ADD2: variants seen among roughly 807,000 people sequenced by gnomAD.
ADD2 encodes the protein adducin 2.
Under a neutral mutation model 83.0 loss-of-function variants are expected in ADD2, and 23 were observed. The observed-to-expected ratio is 0.28, with a 90% CI of 0.20 to 0.39. ADD2 has a LOEUF of 0.39. Among genes scored for constraint, ADD2 ranks in the 10% least tolerant of loss-of-function variants. The pLI, the probability that ADD2 is intolerant of heterozygous loss-of-function variation, is 1.00. For missense variants in ADD2, 758 were observed against 944.9 expected (o/e 0.80, Z 2.59); for synonymous variants, 375 against 375.4 (o/e 1.00, Z 0.01).
At chr2:70,712,465 A>T (rs797042832) in intron 2 of ADD2, among the ~76,000 whole-genome samples, 7,309 of 150,156 alleles carry the variant, frequency 0.049, 266 homozygotes, top group African/African-American at 0.094. Flanking sequence ...ATAAATAAAA[A>T]AAAAAAAAAA....
intron 1 of ADD2, among the ~76,000 whole-genome samples, chr2:70,734,116 C>G (rs1228830151): frequency 6.6e-6 from 1 of 152,176 alleles, no homozygotes; most frequent in Non-Finnish European, 1.5e-5. Flanking sequence ...TAGCACATCA[C>G]TGGAGTTGGG....
chr2:70,714,551 G>A (rs782542920), intron 1 of ADD2, among the ~76,000 whole-genome samples: 29 of 152,336 alleles, frequency 1.9e-4, no homozygotes, highest in South Asian at 1.0e-3. Context: ...CCTGATGCTC[G>A]CCCATCTACT....
At chr2:70,711,148 C>CA (rs1197819842) in intron 2 of ADD2, 1 of 152,208 alleles carries the variant, frequency 6.6e-6, no homozygotes, top group African/African-American at 2.4e-5. Context: ...TGCTGAAGAT[C>CA]AGAGGAGACC....
intron 11 of ADD2, 82 bp from the exon 12 acceptor site, chr2:70,677,959 GC>G: frequency 6.3e-7 from 1 of 1,582,240 alleles, no homozygotes. Context: ...CGAGATCTGG[GC>G]CCAACATCCT....
Position 70,767,928 on chromosome 2 carries a change from G to A in ADD2, c.-196C>T, listed in dbSNP as rs781989093. 21 of 1,535,862 alleles carry A rather than the reference G, an allele frequency of 1.4e-5. No homozygotes were observed. The highest frequency in any genetic ancestry group is 2.0e-5 in the Admixed American group (1 of 50,980). ...AGCTATCTCCGGTCGGCCACTGCGGGTTGGTTTTGTTATTTTATGGGTTTG... is the reference window on the plus strand; with the variant it reads ...AGCTATCTCCGGTCGGCCACTGCGGATTGGTTTTGTTATTTTATGGGTTTG... On this transcript the variant is annotated 5_prime_UTR_variant, in exon 1 of 16. Coordinates refer to ENST00000264436, the MANE Select transcript of ADD2 (RefSeq NM_001617.4).
chr2:70,670,927 C>G (rs1251362017), intron 15 of ADD2, among the ~76,000 whole-genome samples: 1 of 152,186 alleles, frequency 6.6e-6, no homozygotes, highest in Non-Finnish European at 1.5e-5. Flanking sequence ...ACAACTCAAC[C>G]GTGGGCCCCT....
At chr2:70,695,199 T>C (rs1417532586) in intron 6 of ADD2, among the ~76,000 whole-genome samples, 2 of 152,134 alleles carry the variant, frequency 1.3e-5, no homozygotes, top group Non-Finnish European at 1.5e-5. Context: ...CTGAGAAGGA[T>C]TGGGCCTTTT....
chr2:70,719,693 G>A (rs1044250032), intron 1 of ADD2, among the ~76,000 whole-genome samples: 6 of 152,212 alleles, frequency 3.9e-5, no homozygotes, highest in Admixed American at 2.6e-4. Flanking sequence ...TAATTGAGCT[G>A]ACTGTCCTGA....
intron 14 of ADD2, 35 bp from the exon 15 acceptor site, chr2:70,673,041 C>A: frequency 6.3e-7 from 1 of 1,598,458 alleles, no homozygotes; most frequent in East Asian, 2.2e-5. Flanking sequence ...GGATAGAGGT[C>A]AAATAGAGAA....
intron 1 of ADD2, among the ~76,000 whole-genome samples, chr2:70,725,535 A>G (rs1055014446): frequency 7.9e-5 from 12 of 152,206 alleles, no homozygotes; most frequent in Non-Finnish European, 1.5e-4. Context: ...TGGATCATCC[A>G]GGTAAGCCCT....
At chr2:70,672,329 T>C (rs1194889044) in intron 15 of ADD2, among the ~76,000 whole-genome samples, 2 of 152,228 alleles carry the variant, frequency 1.3e-5, no homozygotes, top group Non-Finnish European at 2.9e-5. Context: ...CTCCAGGCTG[T>C]ACTCCTAAAC....
intron 1 of ADD2, among the ~76,000 whole-genome samples, chr2:70,763,359 A>G (rs1312542009): frequency 1.3e-5 from 2 of 151,954 alleles, no homozygotes; most frequent in African/African-American, 4.9e-5. Flanking sequence ...GTAGCAGCCA[A>G]TGTATGTGGA....
At chr2:70,701,823 A>G (rs1166296413) in intron 4 of ADD2, among the ~76,000 whole-genome samples, 1 of 152,172 alleles carries the variant, frequency 6.6e-6, no homozygotes, top group African/African-American at 2.4e-5. Context: ...CTTCATAAGA[A>G]ATTAGTAAGA....
intron 4 of ADD2, 145 bp from the exon 5 acceptor site, chr2:70,696,541 T>G: frequency 9.1e-7 from 1 of 1,098,490 alleles, no homozygotes; most frequent in East Asian, 2.6e-5. Context: ...GACCCTTACC[T>G]GGGGCAGGAG....
At chr2:70,743,823 G>A (rs1553381518) in intron 1 of ADD2, among the ~76,000 whole-genome samples, 1 of 152,202 alleles carries the variant, frequency 6.6e-6, no homozygotes, top group African/African-American at 2.4e-5. Flanking sequence ...AGAGCATGAG[G>A]AATTAAAGGA....
intron 1 of ADD2, among the ~76,000 whole-genome samples, chr2:70,748,018 A>T (rs1553382335): frequency 6.6e-6 from 1 of 152,168 alleles, no homozygotes; most frequent in Non-Finnish European, 1.5e-5. Flanking sequence ...AATGGTTTTT[A>T]AAAATCTTGA....
At chr2:70,665,391 C>G (rs1189739532) in intron 15 of ADD2, among the ~76,000 whole-genome samples, 1 of 152,208 alleles carries the variant, frequency 6.6e-6, no homozygotes, top group Non-Finnish European at 1.5e-5. Context: ...ACTTTGGCCA[C>G]TGCTCCCAGT....
At chr2:70,737,770 A>G (rs1378280157) in intron 1 of ADD2, among the ~76,000 whole-genome samples, 1 of 152,214 alleles carries the variant, frequency 6.6e-6, no homozygotes, top group Non-Finnish European at 1.5e-5. Flanking sequence ...GTTTTGAAAC[A>G]TTCAATTCAT....
intron 15 of ADD2, among the ~76,000 whole-genome samples, 197 bp downstream of exon 15, chr2:70,672,681 G>A (rs1038778257): frequency 5.3e-5 from 8 of 152,220 alleles, no homozygotes; most frequent in African/African-American, 7.2e-5. Context: ...CTTATACTGG[G>A]TTTAAGCTGC....
Sources: gnomAD v4.1 joint callset for allele counts (sites outside exome capture counted in the v4.1 genomes callset) on GRCh38, gnomAD v4.1.1 for gene constraint, MANE v1.5 for transcripts, NCBI Gene and HGNC (gene_info 2026-07-23, HGNC 2026-07-21) for gene names.